The following FERMT3 variants were observed in gnomAD, a reference collection of about 807,000 sequenced individuals.
The protein encoded by FERMT3 is fermitin family homolog 3.
FERMT3 carries 33 observed loss-of-function variants against 80.8 expected under a neutral mutation model. The ratio of observed to expected loss-of-function variants is 0.41; its 90% CI spans 0.31 to 0.55. The LOEUF (loss-of-function observed/expected upper bound fraction) is 0.55, where lower values mean the gene tolerates loss of function less well. FERMT3 is among the 20% of genes least tolerant of loss of function. The pLI, the probability that FERMT3 is intolerant of heterozygous loss-of-function variation, is 0.31. For missense variants in FERMT3, 754 were observed against 908.7 expected (o/e 0.83, Z 2.19); for synonymous variants, 375 against 372.2 (o/e 1.01, Z -0.09).
chr11:64,211,472 C>T lies in FERMT3; in HGVS notation c.683+29C>T. 6.4e-7 allele frequency: 1 copy of T among 1,558,684 alleles called. No homozygotes were observed. The highest frequency in any genetic ancestry group is 8.6e-7 in the Non-Finnish European group (1 of 1,156,828). On this transcript the variant is annotated intron_variant, in intron 5 of 14. Transcript: ENST00000345728. This position sits in a 1 kb window ranked among gnomAD's most constrained non-coding sequence, Gnocchi z 4.7. ...CACCCAGGAGCCACGCCCCCTGTGTCAGGGCTCCCCCACCCAGGATCCACC... is the reference window on the plus strand; with the variant it reads ...CACCCAGGAGCCACGCCCCCTGTGTTAGGGCTCCCCCACCCAGGATCCACC...
upstream of FERMT3, among the ~76,000 whole-genome samples, chr11:64,205,924 G>A (rs1011219): frequency 0.11 from 16,873 of 152,288 alleles, 1,168 homozygotes; most frequent in Non-Finnish European, 0.16. Context: ...TGGAAAGGCC[G>A]CTGTCCTGCG....
rs749816574 is a variant in FERMT3 at position 64,223,468 on chromosome 11, C to T, written c.1968C>T (p.Leu656=). 1.2e-6 allele frequency: 2 copies of T among 1,611,116 alleles called. No homozygotes were observed. Among genetic ancestry groups the T allele is most frequent in the African/African-American group, 1.3e-5 (1 of 75,060 alleles). The part of the protein sequence containing the change: ...EELDEDLFLQ[L]TGGHEAF ...TGGATGAAGACCTCTTCCTGCAGCT[C>T]ACCGGGGGCCATGAGGCCTTCTGAG... Residue 656 remains leucine (L), a synonymous_variant, in exon 15 of 15, where the codon CTC becomes CTT. Coordinates refer to ENST00000345728, the MANE Select transcript of FERMT3 (RefSeq NM_031471.6).
At position 64,210,808 on chromosome 11, in the gene FERMT3, C is replaced by G. The variant is rs778348100; in HGVS notation, c.358C>G (p.Leu120Val). 4.3e-6 allele frequency: 7 copies of G among 1,613,456 alleles called. No individual in the cohort carries two copies. The highest frequency in any genetic ancestry group is 5.1e-6 in the Non-Finnish European group (6 of 1,180,014). The change falls in exon 3 of 15, where the codon CTC becomes GTC. Residue 120 changes from leucine (L) to valine (V), a missense_variant. Coordinates refer to ENST00000345728, the MANE Select transcript of FERMT3 (RefSeq NM_031471.6). The surrounding 1 kb of genome is among the most constrained non-coding windows in gnomAD (Gnocchi z 4.3). ...CCTCCGTGCCAGCTTCTCCCAGCCC[C>G]TCTTCCAGGCTGTGGCTGCCATCTG... Reference protein sequence around the residue: ...LRLRASFSQPLFQAVAAICRL... With the variant: ...LRLRASFSQPVFQAVAAICRL...
At position 64,223,748 on chromosome 11, in the gene FERMT3, A is replaced by T. The variant is rs932621019; in HGVS notation, c.*256A>T. ...CCTTGTCTGAGTGGCTGAGGCTGAT[A>T]CCCCTGACCTATCTGCAGTCCCCCA... On this transcript the variant is annotated 3_prime_UTR_variant, in exon 15 of 15. Transcript: ENST00000345728. The T allele has an allele frequency of 9.0e-6, 7 of 778,088 alleles. No homozygotes were observed. The highest frequency in any genetic ancestry group is 5.3e-5 in the African/African-American group (3 of 57,100). 48.2% of individuals were successfully genotyped at this position (778,088 alleles called of 1,614,324 possible).
At chr11:64,222,969 A>T (rs1041694808) in intron 13 of FERMT3, 79 bp from the exon 14 acceptor site, 5 of 1,591,298 alleles carry the variant, frequency 3.1e-6, no homozygotes, top group Non-Finnish European at 3.4e-6. Context: ...CTGGCTCTCC[A>T]GCACGGCGCC....
chr11:64,213,529 A>T (rs2134855153), intron 6 of FERMT3, among the ~76,000 whole-genome samples: 1 of 150,362 alleles, frequency 6.7e-6, no homozygotes, highest in South Asian at 2.1e-4. Context: ...CTGGGGTTAT[A>T]GGAGCGAGCC....
intron 6 of FERMT3, among the ~76,000 whole-genome samples, chr11:64,213,823 A>G (rs1172258493): frequency 1.3e-5 from 2 of 152,134 alleles, no homozygotes; most frequent in Non-Finnish European, 2.9e-5. Context: ...TGGCCTCCCA[A>G]AGTGCTGGGA....
intron 2 of FERMT3, chr11:64,207,945 C>G (rs574220906): frequency 1.2e-5 from 2 of 170,098 alleles, no homozygotes; most frequent in South Asian, 2.5e-4. Context: ...AGGCCCTGCC[C>G]CCACAGGAAG....
In FERMT3 at chr11:64,211,491, A is replaced by T; in HGVS notation, c.683+48A>T. 6.5e-7 allele frequency: 1 copy of T among 1,529,378 alleles called. No homozygotes were observed. Among genetic ancestry groups the T allele is most frequent in the Non-Finnish European group, 8.8e-7 (1 of 1,138,614 alleles). 94.7% of individuals were successfully genotyped at this position (1,529,378 alleles called of 1,614,324 possible). On this transcript the variant is annotated intron_variant, in intron 5 of 14. Coordinates refer to ENST00000345728, the MANE Select transcript of FERMT3 (RefSeq NM_031471.6). This position sits in a 1 kb window ranked among gnomAD's most constrained non-coding sequence, Gnocchi z 4.7. ...CTGTGTCAGGGCTCCCCCACCCAGG[A>T]TCCACCCCCTGTCCCGTGTCTGTGC...
Position 64,220,999 on chromosome 11 carries a change from C to A in FERMT3, c.1546-17C>A. On this transcript the variant is annotated splice_polypyrimidine_tract_variant and intron_variant, in intron 12 of 14. Coordinates refer to ENST00000345728, the MANE Select transcript of FERMT3 (RefSeq NM_031471.6). ...GGGAATAGTGCCTGGCAGCCCGTCA[C>A]CAGTATGGTCCCGCAGCTCACCCCA... 6.2e-7 allele frequency: 1 copy of A among 1,610,178 alleles called. No individual in the cohort carries two copies. Among genetic ancestry groups the A allele is most frequent in the East Asian group, 2.2e-5 (1 of 44,844 alleles).
intron 6 of FERMT3, among the ~76,000 whole-genome samples, chr11:64,213,328 A>G (rs1357066783): frequency 6.9e-6 from 1 of 145,452 alleles, no homozygotes; most frequent in Non-Finnish European, 1.5e-5. Flanking sequence ...TTTAGTAGAG[A>G]TGGAGTTTCA....
rs1410429439 is a variant in FERMT3 at position 64,210,708 on chromosome 11, G to A, written c.258G>A (p.Leu86=). 2 of 1,614,156 alleles carry A rather than the reference G, an allele frequency of 1.2e-6. No homozygotes were observed. Among genetic ancestry groups the A allele is most frequent in the Non-Finnish European group, 1.7e-6 (2 of 1,180,020 alleles). Reference sequence around the variant, plus strand: ...GGACACTGGACAAGTACGGGATCCTGGCCGACGCACGCCTCTTCTTTGGGC... The same window carrying A: ...GGACACTGGACAAGTACGGGATCCTAGCCGACGCACGCCTCTTCTTTGGGC... ...THWTLDKYGI[L]ADARLFFGPQ... is the part of the protein sequence containing the mutation. Residue 86 remains leucine, a synonymous_variant, in exon 3 of 15, where the codon CTG becomes CTA. Coordinates refer to ENST00000345728, the MANE Select transcript of FERMT3 (RefSeq NM_031471.6). The surrounding 1 kb of genome is among the most constrained non-coding windows in gnomAD (Gnocchi z 4.3).
rs1440300273 is a variant in FERMT3 at position 64,210,094 on chromosome 11, G to A, written c.161-517G>A. Among the ~76,000 whole-genome samples, 1 of 152,190 alleles carries A rather than the reference G, an allele frequency of 6.6e-6. No homozygotes were observed. Among genetic ancestry groups the A allele is most frequent in the African/African-American group, 2.4e-5 (1 of 41,434 alleles). ...TTATTGTATCTTACAGGGAAACTGAGGCCCAGTGAGGTTAAGTGGCTTGTC... is the reference window on the plus strand; with the variant it reads ...TTATTGTATCTTACAGGGAAACTGAAGCCCAGTGAGGTTAAGTGGCTTGTC... On this transcript the variant is annotated intron_variant, in intron 2 of 14. Transcript: ENST00000345728. The surrounding 1 kb of genome is among the most constrained non-coding windows in gnomAD (Gnocchi z 4.3).
At chr11:64,222,965 C>G (rs1268557084) in intron 13 of FERMT3, 83 bp from the exon 14 acceptor site, 1 of 1,586,358 alleles carries the variant, frequency 6.3e-7, no homozygotes, top group Non-Finnish European at 8.6e-7. Context: ...AGGGCTGGCT[C>G]TCCAGCACGG....
Position 64,219,271 on chromosome 11 carries a change from A to C in FERMT3, c.807A>C (p.Thr269=). ...LDPKTDPVRL[T]QLYEQARWDL... ...TCCAGACAGACCCCGTGCGGCTGAC[A>C]CAGCTGTATGAGCAGGCCCGGTGGG... The change falls in exon 7 of 15, where the codon ACA becomes ACC. Residue 269 remains threonine, a synonymous_variant. Coordinates refer to ENST00000345728, the MANE Select transcript of FERMT3 (RefSeq NM_031471.6). The surrounding 1 kb of genome is among the most constrained non-coding windows in gnomAD (Gnocchi z 4.0). The C allele has an allele frequency of 1.2e-6, 2 of 1,604,004 alleles. No homozygotes were observed. Among genetic ancestry groups the C allele is most frequent in the Non-Finnish European group, 1.7e-6 (2 of 1,175,812 alleles).
chr11:64,214,606 C>G (rs1224557734), intron 6 of FERMT3, among the ~76,000 whole-genome samples: 2 of 152,122 alleles, frequency 1.3e-5, no homozygotes. Context: ...CTCAACCTCC[C>G]AATATGCTGG....
In FERMT3 at chr11:64,210,499, T is replaced by A. The variant is rs1306210959; in HGVS notation, c.161-112T>A. ...CCGCCCAGGCTGCCCCACTCTTGGC[T>A]TAGGCAGGGCAGGGGAGTGGTCGCC... On this transcript the variant is annotated intron_variant, in intron 2 of 14. Coordinates refer to ENST00000345728, the MANE Select transcript of FERMT3 (RefSeq NM_031471.6). This position sits in a 1 kb window ranked among gnomAD's most constrained non-coding sequence, Gnocchi z 4.3. The A allele has an allele frequency of 7.2e-6, 8 of 1,116,184 alleles. No individual in the cohort carries two copies. In the South Asian group the frequency reaches 9.6e-5, roughly 13 times the overall value. 69.1% of individuals were successfully genotyped at this position (1,116,184 alleles called of 1,614,324 possible).
chr11:64,222,833 G>A (rs1946740084), intron 13 of FERMT3, among the ~76,000 whole-genome samples: 1 of 152,250 alleles, frequency 6.6e-6, no homozygotes, highest in Admixed American at 6.5e-5. Context: ...TTTGCCCGAT[G>A]CTGCTAAATG....
rs1022666468 is a variant in FERMT3 at position 64,210,229 on chromosome 11, C to A, written c.161-382C>A. Among the ~76,000 whole-genome samples the A allele has an allele frequency of 4.6e-5, 7 of 152,202 alleles. No homozygotes were observed. Among genetic ancestry groups the A allele is most frequent in the Non-Finnish European group, 7.3e-5 (5 of 68,032 alleles). On this transcript the variant is annotated intron_variant, in intron 2 of 14. Transcript: ENST00000345728. This position sits in a 1 kb window ranked among gnomAD's most constrained non-coding sequence, Gnocchi z 4.3. ...GGTGAGACAGACGTAGTCTCTGCCT[C>A]CAGGAGCTCCCCAGAATGCAAGACA...
Sources: allele counts gnomAD v4.1 joint callset (sites outside exome capture counted in the v4.1 genomes callset), GRCh38; gene constraint gnomAD v4.1.1; non-coding constraint Gnocchi (gnomAD v3.1); transcripts MANE v1.5; gene names NCBI Gene and HGNC (gene_info 2026-07-23, HGNC 2026-07-21).